The following BNC2 variants were observed in gnomAD, a reference collection of about 807,000 sequenced individuals.
BNC2 encodes the protein basonuclin zinc finger protein 2.
BNC2 carries 20 observed loss-of-function variants against 76.3 expected under a neutral mutation model. That is an observed-to-expected ratio of 0.26 (90% confidence interval 0.18 to 0.38). The LOEUF is 0.38. Among genes scored for constraint, BNC2 ranks in the 10% least tolerant of loss-of-function variants. BNC2 has a pLI of 1.00. For synonymous variants in BNC2, 582 were observed against 514.8 expected, an observed-to-expected ratio of 1.13 and a Z score of -1.77; for missense variants, 1,382 against 1,399.8, an observed-to-expected ratio of 0.99 and a Z score of 0.20.
At chr9:16,745,450 A>T (rs1461725280) in intron 1 of BNC2, among the ~76,000 whole-genome samples, 1 of 152,204 alleles carries the variant, frequency 6.6e-6, no homozygotes, top group Non-Finnish European at 1.5e-5. Context: ...AGATATGGTA[A>T]CAGAAACGTA....
intron 5 of BNC2, among the ~76,000 whole-genome samples, chr9:16,498,306 T>G (rs1349740372): frequency 6.8e-6 from 1 of 147,594 alleles, no homozygotes; most frequent in African/African-American, 2.5e-5. Flanking sequence ...CATATATATA[T>G]ATGAATATAT....
chr9:16,718,901 CATATAAATGCACT>C (rs979885636), intron 3 of BNC2, among the ~76,000 whole-genome samples: 1 of 152,134 alleles, frequency 6.6e-6, no homozygotes, highest in Non-Finnish European at 1.5e-5. Flanking sequence ...CTACGCATTA[CATATAAATGCACT>C]ACCATAATGT....
At chr9:16,616,790 G>GGGAAGGGAGGAAGGAAGGAAGGAA (rs1820712910) in intron 3 of BNC2, among the ~76,000 whole-genome samples, 1 of 10,336 alleles carries the variant, frequency 9.7e-5, no homozygotes, top group Admixed American at 2.1e-3. Context: ...GGAGGAAGGA[G>GGGAAGGGAGGAAGGAAGGAAGGAA]GGAAGGAAGG....
chr9:16,586,575 A>G (rs1819776786), intron 3 of BNC2, among the ~76,000 whole-genome samples: 1 of 149,432 alleles, frequency 6.7e-6, no homozygotes, highest in African/African-American at 2.5e-5. Flanking sequence ...TGACTATCCT[A>G]GTTTTTCTGG....
At position 16,821,103 on chromosome 9, in the gene BNC2, C is replaced by T. The variant is rs561871057; in HGVS notation, c.3+49543G>A. ...CAAAAATTAGCCAGGTGTGGTGGCA[C>T]GCACCTGTAATCCCAGCTACTCGGG... On this transcript the variant is annotated intron_variant, in intron 1 of 6. Coordinates refer to ENST00000380672, the MANE Select transcript of BNC2 (RefSeq NM_017637.6). Among the ~76,000 whole-genome samples the T allele has an allele frequency of 8.6e-5, 13 of 151,636 alleles. No homozygotes were observed. In the South Asian group the frequency reaches 1.0e-3, roughly 12 times the overall value.
chr9:16,777,020 G>C (rs1450818899), intron 1 of BNC2, among the ~76,000 whole-genome samples: 1 of 152,084 alleles, frequency 6.6e-6, no homozygotes, highest in Non-Finnish European at 1.5e-5. Flanking sequence ...CAGCTACTCA[G>C]TAGGTTGAGG....
At chr9:16,767,762 A>G (rs1488593765) in intron 1 of BNC2, among the ~76,000 whole-genome samples, 1 of 152,124 alleles carries the variant, frequency 6.6e-6, no homozygotes, top group Non-Finnish European at 1.5e-5. Context: ...TCACTACCTA[A>G]CTTCAACAAT....
chr9:16,783,496 C>T (rs1242005434), intron 1 of BNC2, among the ~76,000 whole-genome samples: 5 of 152,192 alleles, frequency 3.3e-5, no homozygotes, highest in South Asian at 2.1e-4. Flanking sequence ...CTTCTGCATA[C>T]GACAAGTTTC....
intron 4 of BNC2, among the ~76,000 whole-genome samples, chr9:16,570,320 C>A (rs1469356050): frequency 2.6e-5 from 4 of 152,146 alleles, no homozygotes; most frequent in Admixed American, 2.6e-4. Context: ...ATGAATGTCA[C>A]CTTTGTGTCA....
At chr9:16,844,286 A>T (rs1206587808) in intron 1 of BNC2, among the ~76,000 whole-genome samples, 1 of 152,054 alleles carries the variant, frequency 6.6e-6, no homozygotes, top group Non-Finnish European at 1.5e-5. Context: ...GGGGCTTACG[A>T]CTAAATACTA....
intron 3 of BNC2, among the ~76,000 whole-genome samples, chr9:16,678,565 T>C (rs1007126182): frequency 6.6e-6 from 1 of 151,910 alleles, no homozygotes. Flanking sequence ...CGCCTGGCCA[T>C]GTATCTGTTT....
chr9:16,451,558 C>A (rs942695798), intron 5 of BNC2, among the ~76,000 whole-genome samples: 10 of 151,750 alleles, frequency 6.6e-5, no homozygotes, highest in South Asian at 4.1e-4. Flanking sequence ...ACCTCTGAAG[C>A]TCCAGCTACA....
At chr9:16,866,647 T>C (rs1410973115) in intron 1 of BNC2, among the ~76,000 whole-genome samples, 2 of 147,522 alleles carry the variant, frequency 1.4e-5, no homozygotes, top group East Asian at 2.0e-4. Flanking sequence ...GAAAGTTCTT[T>C]TGCTTCTGTC....
Position 16,419,156 on chromosome 9 carries a change from T to C in BNC2, c.3133A>G (p.Ser1045Gly), listed in dbSNP as rs750965986. ...TGCACTCTCAGGGTCCCCTTGTTGCTGTACATTTTGTGGCAAATGTTGCAC... is the reference window on the plus strand; with the variant it reads ...TGCACTCTCAGGGTCCCCTTGTTGCCGTACATTTTGTGGCAAATGTTGCAC... ...IMCNICHKMY[S>G]NKGTLRVHYK... The change falls in exon 7 of 7, where the codon AGC becomes GGC. Residue 1045 changes from serine to glycine, a missense_variant. Ser to Gly is a moderately conservative substitution (Grantham distance 56). This residue lies in a region of BNC2 where 798 missense variants were observed against 775.5 expected (regional missense o/e 1.03). Transcript: ENST00000380672. The C allele has an allele frequency of 1.3e-5, 21 of 1,614,102 alleles. No homozygotes were observed.
intron 6 of BNC2, among the ~76,000 whole-genome samples, chr9:16,433,113 C>G (rs1358421334): frequency 1.3e-5 from 2 of 152,152 alleles, no homozygotes; most frequent in African/African-American, 4.8e-5. Context: ...TTTGGTGTAG[C>G]TAAACTCATA....
At chr9:16,456,976 A>G (rs1412787201) in intron 5 of BNC2, among the ~76,000 whole-genome samples, 1 of 152,218 alleles carries the variant, frequency 6.6e-6, no homozygotes, top group Non-Finnish European at 1.5e-5. Flanking sequence ...AATAGTAGAA[A>G]GCAGGGAAAA....
At chr9:16,820,925 G>A (rs10962622) in intron 1 of BNC2, among the ~76,000 whole-genome samples, 1 of 151,916 alleles carries the variant, frequency 6.6e-6, no homozygotes, top group Admixed American at 6.6e-5. Context: ...ATTCAAGTAG[G>A]CCAGGCGCAG....
At chr9:16,575,544 C>T (rs186550784) in intron 4 of BNC2, 1 of 621,278 alleles carries the variant, frequency 1.6e-6, no homozygotes, top group Admixed American at 6.3e-5. Flanking sequence ...GGCTGAGAAA[C>T]AAATCAAAAG....
intron 1 of BNC2, among the ~76,000 whole-genome samples, chr9:16,765,341 A>C (rs11793056): frequency 6.6e-6 from 1 of 152,030 alleles, no homozygotes; most frequent in African/African-American, 2.4e-5. Flanking sequence ...AAATATACAC[A>C]TAAGATTTAA....
Sources: allele counts gnomAD v4.1 joint callset (sites outside exome capture counted in the v4.1 genomes callset), GRCh38; gene constraint gnomAD v4.1.1; regional missense constraint gnomAD v4.1.1; transcripts MANE v1.5; gene names NCBI Gene and HGNC (gene_info 2026-07-23, HGNC 2026-07-21).